DENND1A: variants seen among roughly 807,000 people sequenced by gnomAD.
DENND1A encodes DENN domain-containing protein 1A.
Under a neutral mutation model 113.7 loss-of-function variants are expected in DENND1A, and 51 were observed. That is an observed-to-expected ratio of 0.45 (90% confidence interval 0.36 to 0.57). The LOEUF (loss-of-function observed/expected upper bound fraction) is 0.57, where lower values mean the gene tolerates loss of function less well. Ranked by LOEUF, DENND1A falls within the 20% of genes least tolerant of loss-of-function variation. DENND1A has a pLI of 0.00. For missense variants in DENND1A, 1,258 were observed against 1,395.9 expected, an observed-to-expected ratio of 0.90 and a Z score of 1.57; for synonymous variants, 565 against 570.8, an observed-to-expected ratio of 0.99 and a Z score of 0.14.
chr9:123,922,883 CA>C (rs1381392193), intron 1 of DENND1A, among the ~76,000 whole-genome samples: 1 of 152,174 alleles, frequency 6.6e-6, no homozygotes, highest in African/African-American at 2.4e-5. Context: ...TGTATTTTAA[CA>C]TATCTTTTCT....
At chr9:123,671,079 G>T (rs950995762) in intron 7 of DENND1A, among the ~76,000 whole-genome samples, 1 of 152,066 alleles carries the variant, frequency 6.6e-6, no homozygotes. Flanking sequence ...AGGAGGGTGG[G>T]GACATTCAGG....
intron 5 of DENND1A, among the ~76,000 whole-genome samples, chr9:123,682,550 C>T (rs935436452): frequency 5.9e-5 from 9 of 152,054 alleles, no homozygotes; most frequent in African/African-American, 2.2e-4. Context: ...TATTTAAAGC[C>T]TTCCTATTAA....
At chr9:123,504,169 G>A (rs1319173952) in intron 13 of DENND1A, among the ~76,000 whole-genome samples, 3 of 152,142 alleles carry the variant, frequency 2.0e-5, no homozygotes, top group Non-Finnish European at 2.9e-5. Flanking sequence ...CTATTCTTGA[G>A]CATTTCAGCC....
chr9:123,849,075 G>T (rs12000966), intron 2 of DENND1A, among the ~76,000 whole-genome samples: 1 of 152,164 alleles, frequency 6.6e-6, no homozygotes, highest in African/African-American at 2.4e-5. Context: ...TTATCCAGAA[G>T]TTCAAGCTAA....
At chr9:123,480,815 A>T (rs2050273208) in intron 13 of DENND1A, among the ~76,000 whole-genome samples, 1 of 152,224 alleles carries the variant, frequency 6.6e-6, no homozygotes, top group African/African-American at 2.4e-5. Context: ...CGAATGAATG[A>T]ATACGCTACA....
rs563015250 is a variant in DENND1A at position 123,853,071 on chromosome 9, C to G, written c.88+25880G>C. 5.9e-5 allele frequency among the ~76,000 whole-genome samples: 9 copies of G among 151,994 alleles called. No individual in the cohort carries two copies. The South Asian group carries it at 1.9e-3, about 32-fold the overall frequency. On this transcript the variant is annotated intron_variant, in intron 2 of 23. Coordinates refer to ENST00000394215, the MANE Select transcript of DENND1A (RefSeq NM_001352964.2). Reference sequence around the variant, plus strand: ...AGTAACTGGGATTACAGGTGAACACCACCACATCCAGCTAATTTTATTATT... The same window carrying G: ...AGTAACTGGGATTACAGGTGAACACGACCACATCCAGCTAATTTTATTATT...
At position 123,530,581 on chromosome 9, in the gene DENND1A, T is replaced by A. The variant is rs80335032; in HGVS notation, c.993+26989A>T. 2.6e-3 allele frequency among the ~76,000 whole-genome samples: 403 copies of A among 152,312 alleles called. 1 individual carries two copies. The highest frequency in any genetic ancestry group is 4.7e-3 in the Non-Finnish European group (323 of 68,016). On this transcript the variant is annotated intron_variant, in intron 13 of 23. Coordinates refer to ENST00000394215, the MANE Select transcript of DENND1A (RefSeq NM_001352964.2). ...GGGAAAATAATAGTGAACATGGATG[T>A]TGACTGTACAACTAACTACTGTCAA...
Position 123,381,493 on chromosome 9 carries a change from G to A in DENND1A, c.3152C>T (p.Ala1051Val). 1 of 1,613,670 alleles carries A rather than the reference G, an allele frequency of 6.2e-7. No individual in the cohort carries two copies. The highest frequency in any genetic ancestry group is 8.5e-7 in the Non-Finnish European group (1 of 1,179,974). Residue 1051 changes from alanine (A) to valine (V), a missense_variant, in exon 24 of 24, where the codon GCC (alanine) becomes GTC (valine). Ala to Val is a moderately conservative substitution (Grantham distance 64). This residue lies in a region of DENND1A where 1,159 missense variants were observed against 1,231.7 expected (regional missense o/e 0.94). Coordinates refer to ENST00000394215, the MANE Select transcript of DENND1A (RefSeq NM_001352964.2). The surrounding 1 kb of genome is among the most constrained non-coding windows in gnomAD (Gnocchi z 4.7). The part of the protein sequence containing the change: ...KTKQDVSPSP[A>V]LAPAPDSVEQ... ...CACCGAGTCTGGGGCCGGGGCCAGGGCCGGACTCGGGCTCACGTCTTGCTT... is the reference window on the plus strand; with the variant it reads ...CACCGAGTCTGGGGCCGGGGCCAGGACCGGACTCGGGCTCACGTCTTGCTT...
chr9:123,623,608 A>AT (rs992888662), intron 10 of DENND1A, among the ~76,000 whole-genome samples: 11 of 152,318 alleles, frequency 7.2e-5, no homozygotes, highest in African/African-American at 2.6e-4. Flanking sequence ...TACTAAACTG[A>AT]TTTTTTCCAG....
intron 12 of DENND1A, among the ~76,000 whole-genome samples, chr9:123,582,403 CTTTT>C (rs1239970444): frequency 1.4e-5 from 2 of 144,168 alleles, no homozygotes; most frequent in African/African-American, 5.1e-5. Context: ...TTCTAACTTT[CTTTT>C]TTTTTTTTTT....
At chr9:123,713,903 T>G (rs906966140) in intron 5 of DENND1A, among the ~76,000 whole-genome samples, 7 of 152,334 alleles carry the variant, frequency 4.6e-5, no homozygotes, top group African/African-American at 1.7e-4. Flanking sequence ...ACTCTAGATC[T>G]GTCTGACTTT....
intron 5 of DENND1A, among the ~76,000 whole-genome samples, chr9:123,739,682 T>C (rs191981451): frequency 2.2e-3 from 330 of 152,058 alleles, no homozygotes; most frequent in Non-Finnish European, 3.7e-3. Context: ...TGGAGGAGAG[T>C]ACAAGAAAGA....
chr9:123,653,995 TC>T (rs1208961692), intron 8 of DENND1A, among the ~76,000 whole-genome samples: 1 of 151,740 alleles, frequency 6.6e-6, no homozygotes, highest in African/African-American at 2.4e-5. Context: ...CTAGATCTCC[TC>T]AATCCAAAAC....
intron 12 of DENND1A, among the ~76,000 whole-genome samples, chr9:123,563,277 C>T (rs972480556): frequency 1.3e-5 from 2 of 152,164 alleles, no homozygotes; most frequent in Non-Finnish European, 2.9e-5. Context: ...TGCCTTCACC[C>T]GACCGTGTAC....
At chr9:123,489,638 C>T (rs527961491) in intron 13 of DENND1A, among the ~76,000 whole-genome samples, 2 of 152,280 alleles carry the variant, frequency 1.3e-5, no homozygotes, top group East Asian at 3.9e-4. Flanking sequence ...ATTAGTTCAT[C>T]CATTTGGTGT....
intron 13 of DENND1A, among the ~76,000 whole-genome samples, chr9:123,514,110 CTGT>C (rs2053691808): frequency 2.5e-5 from 1 of 39,650 alleles, no homozygotes; most frequent in Non-Finnish European, 6.4e-5. Context: ...GTGTGTGTGT[CTGT>C]GTGTGTGTCC....
At chr9:123,771,523 C>T (rs1164251519) in intron 3 of DENND1A, among the ~76,000 whole-genome samples, 2 of 152,170 alleles carry the variant, frequency 1.3e-5, no homozygotes, top group African/African-American at 4.8e-5. Context: ...CTATCTTTTA[C>T]CCCTCAAAAG....
intron 5 of DENND1A, among the ~76,000 whole-genome samples, chr9:123,708,966 C>T (rs1336217395): frequency 6.6e-6 from 1 of 152,140 alleles, no homozygotes; most frequent in African/African-American, 2.4e-5. Flanking sequence ...ATTTCATTTA[C>T]AGTATTGGGA....
chr9:123,633,731 A>C (rs1166365913), intron 9 of DENND1A, among the ~76,000 whole-genome samples: 1 of 152,148 alleles, frequency 6.6e-6, no homozygotes, highest in African/African-American at 2.4e-5. Flanking sequence ...GGCTGAGATC[A>C]CACCACTACA....
Sources: allele counts gnomAD v4.1 joint callset (sites outside exome capture counted in the v4.1 genomes callset), GRCh38; gene constraint gnomAD v4.1.1; regional missense constraint gnomAD v4.1.1; non-coding constraint Gnocchi (gnomAD v3.1); transcripts MANE v1.5; gene names NCBI Gene and HGNC (gene_info 2026-07-23, HGNC 2026-07-21).